Variants in MACC1 observed in about 807,000 individuals in gnomAD.
MACC1 encodes metastasis-associated in colon cancer protein 1.
A neutral mutation model predicts 70.7 loss-of-function variants in MACC1; 79 were observed. The ratio of observed to expected loss-of-function variants is 1.12; its 90% CI spans 0.93 to 1.35. The LOEUF (loss-of-function observed/expected upper bound fraction) is 1.35. Ranked by LOEUF, MACC1 falls within the 40% of genes most tolerant of loss-of-function variation. The pLI, the probability that MACC1 is intolerant of heterozygous loss-of-function variation, is 0.00. For missense variants in MACC1, 1,106 were observed against 978.1 expected (o/e 1.13, Z -1.74); for synonymous variants, 361 against 347.2 (o/e 1.04, Z -0.44).
At chr7:20,203,633 G>A (rs928959474) in intron 1 of MACC1, among the ~76,000 whole-genome samples, 2 of 152,090 alleles carry the variant, frequency 1.3e-5, no homozygotes, top group Non-Finnish European at 2.9e-5. Flanking sequence ...CTCTGGATTG[G>A]GATAGTCCTT....
At chr7:20,174,982 C>G (rs1389271750) in intron 1 of MACC1, among the ~76,000 whole-genome samples, 1 of 151,976 alleles carries the variant, frequency 6.6e-6, no homozygotes, top group East Asian at 1.9e-4. Context: ...TATCACATAT[C>G]CCAAATATCA....
chr7:20,143,953 T>C (rs1045727853), intron 6 of MACC1, among the ~76,000 whole-genome samples: 4 of 152,188 alleles, frequency 2.6e-5, no homozygotes, highest in African/African-American at 9.7e-5. Context: ...TGGTAAACTT[T>C]ACGATTTACA....
Position 20,138,241 on chromosome 7 carries a change from G to A in MACC1, c.*2705C>T, listed in dbSNP as rs1003380527. ...AATATATTTGTGTGTATTAATATTA[G>A]AACCATTGTTTCATCCTCAAATTAC... is the stretch of plus-strand genomic sequence containing the variant. On this transcript the variant is annotated 3_prime_UTR_variant, in exon 7 of 7. Transcript: ENST00000400331. 2 of 148,114 alleles carry A rather than the reference G, an allele frequency of 1.4e-5. No individual in the cohort carries two copies. Among genetic ancestry groups the A allele is most frequent in the African/African-American group, 2.5e-5 (1 of 40,434 alleles). 9.2% of individuals were successfully genotyped at this position (148,114 alleles called of 1,614,324 possible). A position where few individuals can be genotyped will look rare whatever the true frequency, so the allele number is the denominator to read the frequency against.
intron 6 of MACC1, among the ~76,000 whole-genome samples, chr7:20,147,012 A>G (rs1211692606): frequency 1.3e-5 from 2 of 152,206 alleles, no homozygotes; most frequent in African/African-American, 4.8e-5. Flanking sequence ...GTGAGTAAGT[A>G]TTTAACATAC....
chr7:20,181,342 T>G (rs1782503801), intron 1 of MACC1, among the ~76,000 whole-genome samples: 1 of 152,040 alleles, frequency 6.6e-6, no homozygotes, highest in African/African-American at 2.4e-5. Context: ...AGTTACAGTA[T>G]AAAATATTGT....
chr7:20,154,129 G>T, intron 6 of MACC1, 64 bp downstream of exon 6: 1 of 1,547,984 alleles, frequency 6.5e-7, no homozygotes, highest in Non-Finnish European at 8.9e-7. Flanking sequence ...GTATGGGTTT[G>T]ATTACATTAG....
chr7:20,216,454 A>C (rs1031396785), intron 1 of MACC1, among the ~76,000 whole-genome samples: 1 of 152,054 alleles, frequency 6.6e-6, no homozygotes, highest in East Asian at 1.9e-4. Context: ...ACAGTCTCCA[A>C]GTGTTTTCAT....
At chr7:20,200,930 T>C (rs1404915465) in intron 1 of MACC1, among the ~76,000 whole-genome samples, 1 of 152,220 alleles carries the variant, frequency 6.6e-6, no homozygotes, top group African/African-American at 2.4e-5. Context: ...TTCAGAAAAG[T>C]ATCAACCTAA....
intron 1 of MACC1, among the ~76,000 whole-genome samples, chr7:20,209,371 A>G (rs746007292): frequency 2.6e-5 from 4 of 152,256 alleles, no homozygotes; most frequent in Non-Finnish European, 5.9e-5. Flanking sequence ...AGGCCATAGG[A>G]GCCCACCTCT....
chr7:20,155,458 T>A (rs1782042395), intron 5 of MACC1, among the ~76,000 whole-genome samples: 1 of 152,204 alleles, frequency 6.6e-6, no homozygotes, highest in Admixed American at 6.5e-5. Flanking sequence ...GTTATGTGAA[T>A]GTGGCCTCTC....
At chr7:20,150,785 A>C (rs1249683946) in intron 6 of MACC1, among the ~76,000 whole-genome samples, 1 of 152,160 alleles carries the variant, frequency 6.6e-6, no homozygotes, top group Non-Finnish European at 1.5e-5. Context: ...GGTGGCTCAC[A>C]CCTGTAATGC....
intron 1 of MACC1, among the ~76,000 whole-genome samples, chr7:20,215,285 A>T (rs903199772): frequency 2.6e-5 from 4 of 152,106 alleles, no homozygotes; most frequent in Admixed American, 6.6e-5. Flanking sequence ...CTGCTAGTAG[A>T]TAAGGATCCC....
intron 6 of MACC1, chr7:20,150,537 T>C (rs1781959817): frequency 6.6e-6 from 1 of 152,224 alleles, no homozygotes; most frequent in South Asian, 2.1e-4. Flanking sequence ...ATTGATTAAA[T>C]GGTGACTACA....
rs1339652668 is a variant in MACC1 at position 20,136,937 on chromosome 7, TA to T, written c.*4008del. The stretch of plus-strand genomic sequence containing the variant: ...GATTATTAATTATAATATTAAATTA[TA>T]ATTATTAATTCTTAAAGATTATGAA... On this transcript the variant is annotated 3_prime_UTR_variant, in exon 7 of 7. Coordinates refer to ENST00000400331, the MANE Select transcript of MACC1 (RefSeq NM_182762.4). 5.4e-5 allele frequency: 8 copies of T among 148,054 alleles called. No individual in the cohort carries two copies. The highest frequency in any genetic ancestry group is 3.9e-4 in the East Asian group (2 of 5,140). 9.2% of individuals were successfully genotyped at this position (148,054 alleles called of 1,614,324 possible). A position where few individuals can be genotyped will look rare whatever the true frequency, so the allele number is the denominator to read the frequency against.
intron 6 of MACC1, among the ~76,000 whole-genome samples, chr7:20,145,126 A>G (rs766047334): frequency 1.2e-4 from 18 of 152,224 alleles, no homozygotes; most frequent in African/African-American, 4.3e-4. Context: ...GAACATTAAC[A>G]AAAGCTATAA....
At chr7:20,198,666 G>A (rs922450380) in intron 1 of MACC1, 10 of 152,240 alleles carry the variant, frequency 6.6e-5, no homozygotes, top group Admixed American at 4.6e-4. Context: ...TTCTTCTGTC[G>A]CTTTCTAACA....
intron 1 of MACC1, among the ~76,000 whole-genome samples, chr7:20,202,801 T>G (rs977002387): frequency 1.3e-5 from 2 of 152,242 alleles, no homozygotes; most frequent in Non-Finnish European, 1.5e-5. Flanking sequence ...AGGGCACATG[T>G]GGCTAATGCT....
Position 20,159,745 on chromosome 7 carries a change from G to C in MACC1, c.616C>G (p.Gln206Glu), listed in dbSNP as rs1782113749. The C allele has an allele frequency of 1.2e-6, 2 of 1,614,008 alleles. No individual in the cohort carries two copies. The highest frequency in any genetic ancestry group is 8.5e-7 in the Non-Finnish European group (1 of 1,180,034). The change falls in exon 5 of 7, where the codon CAG (glutamine) becomes GAG (glutamate). Residue 206 changes from glutamine to glutamate, a missense_variant. By Grantham distance (29) the Gln-to-Glu change is conservative (BLOSUM62 2). Transcript: ENST00000400331. ...NTISQSPGWA[Q>E]TQLAEVTIAC... Reference sequence around the variant, plus strand: ...ATGGTGACCTCCGCAAGTTGTGTCTGGGCCCATCCAGGGCTCTGACTAATT... The same window carrying C: ...ATGGTGACCTCCGCAAGTTGTGTCTCGGCCCATCCAGGGCTCTGACTAATT...
At chr7:20,182,679 C>A (rs1011154594) in intron 1 of MACC1, among the ~76,000 whole-genome samples, 1 of 152,110 alleles carries the variant, frequency 6.6e-6, no homozygotes, top group African/African-American at 2.4e-5. Flanking sequence ...GACCATGCTT[C>A]TGTTTGTAAG....
Sources: gnomAD v4.1 joint callset for allele counts (sites outside exome capture counted in the v4.1 genomes callset) on GRCh38, gnomAD v4.1.1 for gene constraint, MANE v1.5 for transcripts, NCBI Gene and HGNC (gene_info 2026-07-23, HGNC 2026-07-21) for gene names.